Variants in ATXN3 observed in about 807,000 individuals in gnomAD.
ATXN3 encodes ataxin 3.
ATXN3 carries 28 observed loss-of-function variants against 58.2 expected under a neutral mutation model. The ratio of observed to expected loss-of-function variants is 0.48; its 90% CI spans 0.36 to 0.66. The LOEUF (loss-of-function observed/expected upper bound fraction) is 0.66, where lower values mean the gene tolerates loss of function less well. Among genes scored for constraint, ATXN3 ranks in the 30% least tolerant of loss-of-function variants. The pLI is 0.00. For missense variants in ATXN3, 321 were observed against 422.1 expected (o/e 0.76, Z 2.10); for synonymous variants, 113 against 138.5 (o/e 0.82, Z 1.29).
At chr14:92,096,527 G>A in intron 2 of ATXN3, 147 bp downstream of exon 2, 1 of 861,522 alleles carries the variant, frequency 1.2e-6, no homozygotes, top group Non-Finnish European at 1.8e-6. Flanking sequence ...GGGAGGCTGA[G>A]GCAGGAGAAT....
chr14:92,092,057 G>A (rs2063955267), intron 5 of ATXN3, among the ~76,000 whole-genome samples: 1 of 151,882 alleles, frequency 6.6e-6, no homozygotes, highest in Non-Finnish European at 1.5e-5. Flanking sequence ...AACCAAGATA[G>A]TGAACACATT....
intron 10 of ATXN3, among the ~76,000 whole-genome samples, chr14:92,064,877 GATATTT>G (rs1566906915): frequency 6.6e-6 from 1 of 152,168 alleles, no homozygotes; most frequent in Admixed American, 6.6e-5. Flanking sequence ...AAGTTGTAAA[GATATTT>G]AAGAGAGGTT....
chr14:92,068,013 T>C (rs994474203), intron 10 of ATXN3, among the ~76,000 whole-genome samples: 1 of 152,114 alleles, frequency 6.6e-6, no homozygotes, highest in Non-Finnish European at 1.5e-5. Context: ...TCCACGGACA[T>C]TGTGGAGGTG....
downstream of ATXN3, among the ~76,000 whole-genome samples, chr14:92,056,196 T>C (rs1230488401): frequency 6.6e-6 from 1 of 152,172 alleles, no homozygotes; most frequent in Non-Finnish European, 1.5e-5. Flanking sequence ...CAAGAGCTCC[T>C]TGGGGCCCAT....
At chr14:92,086,565 C>CA (rs138766948) in intron 6 of ATXN3, among the ~76,000 whole-genome samples, 30,180 of 98,160 alleles carry the variant, frequency 0.31, 4,236 homozygotes, top group East Asian at 0.45. Flanking sequence ...AACTCCATCT[C>CA]AAAAAAAAAA....
At chr14:92,074,012 C>CAAA (rs554711538) in intron 9 of ATXN3, among the ~76,000 whole-genome samples, 37 of 74,778 alleles carry the variant, frequency 4.9e-4, no homozygotes, top group African/African-American at 1.6e-3. Context: ...GACTCCACCT[C>CAAA]AAAAAAAAAA....
chr14:92,097,980 C>T (rs936426131), intron 1 of ATXN3, among the ~76,000 whole-genome samples: 11 of 152,142 alleles, frequency 7.2e-5, no homozygotes, highest in African/African-American at 2.6e-4. Context: ...TTATTTTAAA[C>T]AAACATCATC....
In ATXN3 at chr14:92,064,425, A is replaced by G; in HGVS notation, c.992-11T>C. 6.3e-7 allele frequency: 1 copy of G among 1,578,288 alleles called. No homozygotes were observed. Among genetic ancestry groups the G allele is most frequent in the Non-Finnish European group, 8.7e-7 (1 of 1,155,636 alleles). On this transcript the variant is annotated splice_polypyrimidine_tract_variant and intron_variant, in intron 10 of 10. Coordinates refer to ENST00000644486, the MANE Select transcript of ATXN3 (RefSeq NM_004993.6). ...CACTCATAGCATCACCTGTTGGGAAACAAAACCACATTTCTTTAAAATTTC... is the reference window on the plus strand; with the variant it reads ...CACTCATAGCATCACCTGTTGGGAAGCAAAACCACATTTCTTTAAAATTTC...
intron 9 of ATXN3, among the ~76,000 whole-genome samples, chr14:92,072,143 CAA>C (rs1233062413): frequency 1.3e-5 from 2 of 152,058 alleles, no homozygotes; most frequent in African/African-American, 4.8e-5. Context: ...AAAAGAGAAA[CAA>C]TGTAATACAA....
intron 1 of ATXN3, among the ~76,000 whole-genome samples, chr14:92,104,454 G>C (rs1297400222): frequency 6.6e-6 from 1 of 152,180 alleles, no homozygotes; most frequent in Non-Finnish European, 1.5e-5. Context: ...TTTCGGGTAA[G>C]TAGATTTTCA....
At chr14:92,066,601 GTTTTTT>G (rs66941473) in intron 10 of ATXN3, among the ~76,000 whole-genome samples, 1,753 of 107,114 alleles carry the variant, frequency 0.016, 46 homozygotes, top group African/African-American at 0.053. Context: ...TTTTTTTCTT[GTTTTTT>G]TTTTTTTTTT....
At chr14:92,102,346 G>C (rs187133030) in intron 1 of ATXN3, among the ~76,000 whole-genome samples, 54 of 152,010 alleles carry the variant, frequency 3.6e-4, no homozygotes, top group African/African-American at 1.1e-3. Flanking sequence ...TTTAGGCCCA[G>C]ACTTCATTGT....
intron 3 of ATXN3, among the ~76,000 whole-genome samples, chr14:92,095,099 T>TAAAA (rs10672184): frequency 0.034 from 4,921 of 144,866 alleles, 286 homozygotes; most frequent in African/African-American, 0.12. Flanking sequence ...AGCTATACAT[T>TAAAA]AAAAAAAAAA....
At chr14:92,103,441 A>AT (rs1003684110) in intron 1 of ATXN3, among the ~76,000 whole-genome samples, 4 of 152,026 alleles carry the variant, frequency 2.6e-5, no homozygotes, top group African/African-American at 7.3e-5. Flanking sequence ...AAATATATAC[A>AT]TTTTTTTCTT....
chr14:92,093,280 C>A lies in ATXN3; in HGVS notation c.359G>T (p.Trp120Leu), dbSNP rs749230434. ...RSFICNYKEH[W>L]FTVRKLGKQW... ...TTTTCCTAATTTTCTAACTGTAAACCAGTGTTCCTTATAATTGCATATAAA... is the reference window on the plus strand; with the variant it reads ...TTTTCCTAATTTTCTAACTGTAAACAAGTGTTCCTTATAATTGCATATAAA... Residue 120 changes from tryptophan to leucine, a missense_variant, in exon 5 of 11, where the codon TGG (tryptophan) becomes TTG (leucine). Trp to Leu is a moderately conservative substitution (Grantham distance 61). Coordinates refer to ENST00000644486, the MANE Select transcript of ATXN3 (RefSeq NM_004993.6). 1 of 1,490,224 alleles carries A rather than the reference C, an allele frequency of 6.7e-7. No individual in the cohort carries two copies. Among genetic ancestry groups the A allele is most frequent in the Non-Finnish European group, 9.3e-7 (1 of 1,078,930 alleles). 92.3% of individuals were successfully genotyped at this position (1,490,224 alleles called of 1,614,324 possible). A position where few individuals can be genotyped will look rare whatever the true frequency, so the allele number is the denominator to read the frequency against.
intron 1 of ATXN3, among the ~76,000 whole-genome samples, chr14:92,102,609 C>T (rs1056443354): frequency 3.9e-5 from 6 of 152,316 alleles, no homozygotes; most frequent in Middle Eastern, 3.4e-3. Flanking sequence ...TAGTGCTCTC[C>T]GAGCCCTTAC....
At chr14:92,067,520 C>T (rs2058660239) in intron 10 of ATXN3, among the ~76,000 whole-genome samples, 1 of 152,156 alleles carries the variant, frequency 6.6e-6, no homozygotes, top group Non-Finnish European at 1.5e-5. Flanking sequence ...CCTTAGCCTT[C>T]CCAGTAGCTG....
intron 10 of ATXN3, among the ~76,000 whole-genome samples, chr14:92,067,888 G>C (rs1053085831): frequency 6.6e-6 from 1 of 152,184 alleles, no homozygotes; most frequent in African/African-American, 2.4e-5. Flanking sequence ...TCAAGGAGTG[G>C]CGGTCATGGG....
chr14:92,102,933 G>A (rs891948245), intron 1 of ATXN3, among the ~76,000 whole-genome samples: 3 of 152,084 alleles, frequency 2.0e-5, no homozygotes, highest in African/African-American at 7.2e-5. Flanking sequence ...CTAAAATCCA[G>A]CAATCACAAA....
Sources: gnomAD v4.1 joint callset for allele counts (sites outside exome capture counted in the v4.1 genomes callset) on GRCh38, gnomAD v4.1.1 for gene constraint, MANE v1.5 for transcripts, NCBI Gene and HGNC (gene_info 2026-07-23, HGNC 2026-07-21) for gene names.